DLGAP1: variants seen among roughly 807,000 people sequenced by gnomAD.
The protein encoded by DLGAP1 is DLG associated protein 1.
Under a neutral mutation model 90.8 loss-of-function variants are expected in DLGAP1, and 11 were observed. That is an observed-to-expected ratio of 0.12 (90% CI 0.08 to 0.20). The LOEUF (loss-of-function observed/expected upper bound fraction) is 0.20, where lower values mean the gene tolerates loss of function less well. Ranked by LOEUF, DLGAP1 falls within the 10% of genes least tolerant of loss-of-function variation. DLGAP1 has a pLI of 1.00. For missense variants in DLGAP1, 1,050 were observed against 1,333.8 expected, an observed-to-expected ratio of 0.79 and a Z score of 3.31; for synonymous variants, 558 against 540.7, an observed-to-expected ratio of 1.03 and a Z score of -0.44.
chr18:3,769,241 C>T (rs1479725753), intron 5 of DLGAP1, among the ~76,000 whole-genome samples: 3 of 152,094 alleles, frequency 2.0e-5, no homozygotes, highest in Non-Finnish European at 2.9e-5. Context: ...AAATTAATGA[C>T]AGCAACAAAT....
At chr18:4,257,436 T>A (rs988710834) in intron 1 of DLGAP1, among the ~76,000 whole-genome samples, 10 of 152,214 alleles carry the variant, frequency 6.6e-5, no homozygotes, top group African/African-American at 2.4e-4. Context: ...AGTATCTGGC[T>A]AAATAGGGTT....
chr18:3,504,268 A>G (rs1332024194), intron 11 of DLGAP1, among the ~76,000 whole-genome samples: 1 of 152,194 alleles, frequency 6.6e-6, no homozygotes, highest in Non-Finnish European at 1.5e-5. Flanking sequence ...TAATTCAGAC[A>G]TCGTTAGAAT....
At chr18:3,971,842 T>C (rs1045741715) in intron 3 of DLGAP1, among the ~76,000 whole-genome samples, 4 of 152,212 alleles carry the variant, frequency 2.6e-5, no homozygotes, top group Admixed American at 2.6e-4. Flanking sequence ...TGGAGTTTTA[T>C]TTTAATAAGC....
At chr18:3,534,006 G>T (rs942138765) in intron 10 of DLGAP1, among the ~76,000 whole-genome samples, 188 bp downstream of exon 10, 3 of 152,090 alleles carry the variant, frequency 2.0e-5, no homozygotes, top group African/African-American at 7.2e-5. Context: ...GAGTTTTCTT[G>T]GTTTTGTGCT....
intron 4 of DLGAP1, among the ~76,000 whole-genome samples, chr18:3,858,507 T>C (rs570508440): frequency 4.9e-4 from 73 of 148,346 alleles, no homozygotes; most frequent in African/African-American, 1.7e-3. Flanking sequence ...TATATACATA[T>C]ATATACACGT....
chr18:3,874,729 C>A, intron 4 of DLGAP1: 1 of 1,524,394 alleles, frequency 6.6e-7, no homozygotes, highest in Non-Finnish European at 8.8e-7. Context: ...AACCCTAATA[C>A]AGACAGTCAC....
At chr18:3,910,386 T>C (rs1433643430) in intron 3 of DLGAP1, among the ~76,000 whole-genome samples, 1 of 151,988 alleles carries the variant, frequency 6.6e-6, no homozygotes, top group Non-Finnish European at 1.5e-5. Flanking sequence ...GAGAGAGAAA[T>C]TTGATGATTT....
chr18:3,575,715 G>T (rs1034306359), intron 8 of DLGAP1, among the ~76,000 whole-genome samples: 1 of 152,044 alleles, frequency 6.6e-6, no homozygotes, highest in African/African-American at 2.4e-5. Context: ...TATCCTAAAG[G>T]TGCCTATGAC....
At chr18:4,234,509 C>T (rs2078364128) in intron 1 of DLGAP1, among the ~76,000 whole-genome samples, 1 of 152,094 alleles carries the variant, frequency 6.6e-6, no homozygotes, top group South Asian at 2.1e-4. Flanking sequence ...CTCTTCTACC[C>T]TTCCTTCTGA....
In DLGAP1 at chr18:4,301,286, C is replaced by T. The variant is rs866104822; in HGVS notation, c.-266-149999G>A. On this transcript the variant is annotated intron_variant, in intron 1 of 12. Coordinates refer to ENST00000315677, the MANE Select transcript of DLGAP1 (RefSeq NM_004746.4). ...CTTTGTGCCCTTTGACCACCATTTCCCCATTACTCCACCTCTCAGCCTCTG... is the reference window on the plus strand; with the variant it reads ...CTTTGTGCCCTTTGACCACCATTTCTCCATTACTCCACCTCTCAGCCTCTG... 5.3e-5 allele frequency among the ~76,000 whole-genome samples: 8 copies of T among 152,186 alleles called. No homozygotes were observed. The South Asian group carries it at 1.7e-3, about 32-fold the overall frequency.
intron 3 of DLGAP1, among the ~76,000 whole-genome samples, chr18:3,941,410 T>C (rs950750248): frequency 1.3e-5 from 2 of 152,140 alleles, no homozygotes; most frequent in African/African-American, 2.4e-5. Flanking sequence ...TGAACTGAGA[T>C]GTTCACGAGA....
chr18:4,368,431 G>A (rs533158434), intron 1 of DLGAP1, among the ~76,000 whole-genome samples: 10 of 152,166 alleles, frequency 6.6e-5, no homozygotes, highest in Non-Finnish European at 1.0e-4. Context: ...AAATGTGGGC[G>A]GACCTCATCG....
At chr18:3,738,748 T>G (rs2062767184) in intron 6 of DLGAP1, among the ~76,000 whole-genome samples, 1 of 149,432 alleles carries the variant, frequency 6.7e-6, no homozygotes, top group South Asian at 2.1e-4. Context: ...CCAAAAGCAA[T>G]GGCAACAAAA....
chr18:3,729,077 G>T lies in DLGAP1; in HGVS notation c.1591+58C>A, dbSNP rs2062308637. On this transcript the variant is annotated intron_variant, in intron 7 of 12. Coordinates refer to ENST00000315677, the MANE Select transcript of DLGAP1 (RefSeq NM_004746.4). The surrounding 1 kb of genome is among the most constrained non-coding windows in gnomAD (Gnocchi z 6.2). ...TTGACAGCAAGGGCACAGTCTTTGG[G>T]GACAGTCGTGCCATAGCCAGCACAG... 3.2e-6 allele frequency: 5 copies of T among 1,545,770 alleles called. No homozygotes were observed. Among genetic ancestry groups the T allele is most frequent in the South Asian group, 1.2e-5 (1 of 82,122 alleles).
At chr18:3,945,664 G>C (rs998069937) in intron 3 of DLGAP1, among the ~76,000 whole-genome samples, 1 of 152,110 alleles carries the variant, frequency 6.6e-6, no homozygotes, top group African/African-American at 2.4e-5. Flanking sequence ...TGCTCCCTTG[G>C]GAGATATACC....
intron 2 of DLGAP1, among the ~76,000 whole-genome samples, chr18:4,096,550 T>C (rs543135706): frequency 2.0e-5 from 3 of 152,258 alleles, no homozygotes; most frequent in South Asian, 4.2e-4. Flanking sequence ...TGGAATCTTT[T>C]CATAGGTTTC....
chr18:3,987,700 T>C (rs907083249), intron 3 of DLGAP1, among the ~76,000 whole-genome samples: 1 of 152,234 alleles, frequency 6.6e-6, no homozygotes, highest in Non-Finnish European at 1.5e-5. Flanking sequence ...ACAATGACTA[T>C]TTAATGAAAT....
rs1235332839 is a variant in DLGAP1, at chr18:3,499,876, T to C, written c.2725-482A>G. Among the ~76,000 whole-genome samples the C allele has an allele frequency of 6.6e-6, 1 of 152,056 alleles. No homozygotes were observed. The highest frequency in any genetic ancestry group is 2.4e-5 in the African/African-American group (1 of 41,390). ...CGCTCTGTCCCCGGCCCGCCCACCG[T>C]CCCCTTCCCACCAAACCTAAATAAA... On this transcript the variant is annotated intron_variant, in intron 12 of 12. Transcript: ENST00000315677. The surrounding 1 kb of genome is among the most constrained non-coding windows in gnomAD (Gnocchi z 6.4).
chr18:4,011,986 A>G (rs928050659), intron 2 of DLGAP1, among the ~76,000 whole-genome samples: 7 of 152,130 alleles, frequency 4.6e-5, no homozygotes, highest in Non-Finnish European at 8.8e-5. Context: ...TAATTGTGGC[A>G]TCTCAACTCC....
Sources: gnomAD v4.1 joint callset for allele counts (sites outside exome capture counted in the v4.1 genomes callset) on GRCh38, gnomAD v4.1.1 for gene constraint, Gnocchi (gnomAD v3.1) non-coding constraint, MANE v1.5 for transcripts, NCBI Gene and HGNC (gene_info 2026-07-23, HGNC 2026-07-21) for gene names.